The following GPR176 variants were observed in gnomAD, a reference collection of about 807,000 sequenced individuals.
GPR176 encodes the protein G-protein coupled receptor 176.
A neutral mutation model predicts 35.4 loss-of-function variants in GPR176; 26 were observed. The observed-to-expected ratio is 0.74, with a 90% CI of 0.54 to 1.02. The LOEUF (loss-of-function observed/expected upper bound fraction) is 1.02. GPR176 is among the 50% of genes least tolerant of loss of function. The pLI is 0.00. For synonymous variants in GPR176, 278 were observed against 271.3 expected, an observed-to-expected ratio of 1.02 and a Z score of -0.24; for missense variants, 597 against 665.3, an observed-to-expected ratio of 0.90 and a Z score of 1.13.
chr15:39,895,607 C>T (rs1306056315), intron 1 of GPR176, among the ~76,000 whole-genome samples: 2 of 152,138 alleles, frequency 1.3e-5, no homozygotes, highest in African/African-American at 4.8e-5. Flanking sequence ...AGGCTAGATA[C>T]TCACACATAA....
chr15:39,847,184 G>A (rs1013605095), intron 1 of GPR176, among the ~76,000 whole-genome samples: 2 of 152,026 alleles, frequency 1.3e-5, no homozygotes, highest in Non-Finnish European at 2.9e-5. Context: ...AAATGTTCAA[G>A]TAACCCACAG....
rs977022445 is a variant in GPR176, at chr15:39,801,042, G to A, written c.*90C>T. The A allele has an allele frequency of 9.1e-6, 10 of 1,099,178 alleles. No homozygotes were observed. The highest frequency in any genetic ancestry group is 2.4e-5 in the East Asian group (1 of 42,298). 68.1% of individuals were successfully genotyped at this position (1,099,178 alleles called of 1,614,324 possible). ...GGAATCAACTCACACTGAGTTGCAAGGAGATCATACAATCACATGGCCACA... is the reference window on the plus strand; with the variant it reads ...GGAATCAACTCACACTGAGTTGCAAAGAGATCATACAATCACATGGCCACA... On this transcript the variant is annotated 3_prime_UTR_variant, in exon 3 of 3. Coordinates refer to ENST00000561100, the MANE Select transcript of GPR176 (RefSeq NM_007223.3).
chr15:39,816,712 C>G (rs1321745234), intron 1 of GPR176, among the ~76,000 whole-genome samples: 1 of 151,994 alleles, frequency 6.6e-6, no homozygotes, highest in Non-Finnish European at 1.5e-5. Context: ...GGATATGTTA[C>G]AAATAATAAA....
chr15:39,822,909 G>A (rs1435122951), intron 1 of GPR176, among the ~76,000 whole-genome samples: 1 of 152,186 alleles, frequency 6.6e-6, no homozygotes, highest in Non-Finnish European at 1.5e-5. Flanking sequence ...CTAGGCCTAT[G>A]GGATGGCAAT....
chr15:39,881,126 T>C lies in GPR176; in HGVS notation c.172+38729A>G, dbSNP rs138515629. Among the ~76,000 whole-genome samples the C allele has an allele frequency of 7.8e-3, 1,187 of 152,246 alleles. 10 individuals carry two copies. Among genetic ancestry groups the C allele is most frequent in the South Asian group, 0.029 (139 of 4,822 alleles). Reference sequence around the variant, plus strand: ...ATTTATGCTCCCACCACCCTGTCTATGATCTCCAAGTACCATGCTTTGCTC... The same window carrying C: ...ATTTATGCTCCCACCACCCTGTCTACGATCTCCAAGTACCATGCTTTGCTC... On this transcript the variant is annotated intron_variant, in intron 1 of 2. Coordinates refer to ENST00000561100, the MANE Select transcript of GPR176 (RefSeq NM_007223.3).
intron 1 of GPR176, among the ~76,000 whole-genome samples, chr15:39,905,014 C>T (rs972121166): frequency 2.0e-5 from 3 of 152,266 alleles, no homozygotes; most frequent in East Asian, 1.9e-4. Flanking sequence ...CCTACAACTC[C>T]CTCCTCCAGC....
chr15:39,803,934 C>T (rs1899042152), intron 2 of GPR176, among the ~76,000 whole-genome samples: 1 of 152,138 alleles, frequency 6.6e-6, no homozygotes, highest in African/African-American at 2.4e-5. Context: ...TTCTAGATTT[C>T]TTTCTGGGAG....
intron 1 of GPR176, among the ~76,000 whole-genome samples, chr15:39,867,766 G>A: frequency 6.6e-6 from 1 of 152,124 alleles, no homozygotes; most frequent in Non-Finnish European, 1.5e-5. Flanking sequence ...GGAAAAGAGT[G>A]AAGTGAGGAG....
At chr15:39,822,415 C>T (rs1900335480) in intron 1 of GPR176, among the ~76,000 whole-genome samples, 1 of 152,192 alleles carries the variant, frequency 6.6e-6, no homozygotes. Flanking sequence ...AAGTGCCAAA[C>T]ACTGCCTCAC....
chr15:39,848,968 T>C (rs1174693998), intron 1 of GPR176, among the ~76,000 whole-genome samples: 1 of 118,870 alleles, frequency 8.4e-6, no homozygotes, highest in Non-Finnish European at 1.8e-5. Flanking sequence ...GAGGAAATAA[T>C]AAAGAGTAGA....
In GPR176 at chr15:39,857,224, G is replaced by C. The variant is rs368818014; in HGVS notation, c.173-49966C>G. Among the ~76,000 whole-genome samples the C allele has an allele frequency of 1.6e-4, 25 of 152,302 alleles. No homozygotes were observed. In the East Asian group the frequency reaches 4.1e-3, roughly 25 times the overall value. The stretch of plus-strand genomic sequence containing the variant: ...ATGTCAAAGTCCATGAATGTTCAGA[G>C]AGGGAATTTAGGTTGGCTTCCTGTT... On this transcript the variant is annotated intron_variant, in intron 1 of 2. Coordinates refer to ENST00000561100, the MANE Select transcript of GPR176 (RefSeq NM_007223.3).
rs549153728 is a variant in GPR176 at position 39,878,801 on chromosome 15, T to C, written c.172+41054A>G. Among the ~76,000 whole-genome samples, 5 of 152,306 alleles carry C rather than the reference T, an allele frequency of 3.3e-5. No homozygotes were observed. In the East Asian group the frequency reaches 9.7e-4, roughly 29 times the overall value. ...AACCACTTTAAAGCTCTTTGGATAA[T>C]AAAGCTCACTATTATTCTAAAGAAG... On this transcript the variant is annotated intron_variant, in intron 1 of 2. Coordinates refer to ENST00000561100, the MANE Select transcript of GPR176 (RefSeq NM_007223.3).
chr15:39,802,738 T>G (rs1898964800), intron 2 of GPR176, among the ~76,000 whole-genome samples: 1 of 152,200 alleles, frequency 6.6e-6, no homozygotes, highest in South Asian at 2.1e-4. Flanking sequence ...CACACATATC[T>G]AAAGCAGACT....
At chr15:39,870,347 C>A (rs2031997249) in intron 1 of GPR176, among the ~76,000 whole-genome samples, 1 of 152,128 alleles carries the variant, frequency 6.6e-6, no homozygotes, top group Admixed American at 6.6e-5. Flanking sequence ...ACATGGATAT[C>A]TTGGGGGCCT....
chr15:39,866,916 C>T (rs1191891168), intron 1 of GPR176, among the ~76,000 whole-genome samples: 1 of 151,796 alleles, frequency 6.6e-6, no homozygotes, highest in Non-Finnish European at 1.5e-5. Context: ...TAGTGGTGCC[C>T]GTGTTCTAAA....
intron 1 of GPR176, among the ~76,000 whole-genome samples, chr15:39,900,611 C>G (rs972007382): frequency 3.9e-5 from 6 of 152,222 alleles, no homozygotes; most frequent in Admixed American, 1.3e-4. Context: ...CAAAGCCAAA[C>G]AGCCCTCAAT....
chr15:39,883,898 A>G (rs189415682), intron 1 of GPR176, among the ~76,000 whole-genome samples: 16 of 152,398 alleles, frequency 1.0e-4, no homozygotes, highest in Admixed American at 2.0e-4. Flanking sequence ...CCTATGATAA[A>G]TCTTTATTCA....
At chr15:39,820,854 G>A (rs1398351657) in intron 1 of GPR176, among the ~76,000 whole-genome samples, 1 of 152,050 alleles carries the variant, frequency 6.6e-6, no homozygotes, top group African/African-American at 2.4e-5. Context: ...AAAACAACAG[G>A]GAGACTTATT....
chr15:39,877,623 G>A (rs962940144), intron 1 of GPR176, among the ~76,000 whole-genome samples: 5 of 150,700 alleles, frequency 3.3e-5, no homozygotes, highest in Non-Finnish European at 7.4e-5. Context: ...GTGCAATGAC[G>A]GATCTCAGGT....
Sources: allele counts gnomAD v4.1 joint callset (sites outside exome capture counted in the v4.1 genomes callset), GRCh38; gene constraint gnomAD v4.1.1; transcripts MANE v1.5; gene names NCBI Gene and HGNC (gene_info 2026-07-23, HGNC 2026-07-21).